Variants in TAF4B observed in about 807,000 individuals in gnomAD.
TAF4B encodes the protein transcription initiation factor TFIID subunit 4B.
A neutral mutation model predicts 86.4 loss-of-function variants in TAF4B; 38 were observed. The observed-to-expected ratio is 0.44, with a 90% confidence interval of 0.34 to 0.58. The LOEUF (loss-of-function observed/expected upper bound fraction) is 0.58, where lower values mean the gene tolerates loss of function less well. Ranked by LOEUF, TAF4B falls within the 20% of genes least tolerant of loss-of-function variation. The pLI, the probability that TAF4B is intolerant of heterozygous loss-of-function variation, is 0.02. For synonymous variants in TAF4B, 388 were observed against 391.2 expected (o/e 0.99, Z 0.10); for missense variants, 988 against 1,027.6 (o/e 0.96, Z 0.53).
At chr18:26,353,139 A>G (rs948490268) in intron 13 of TAF4B, among the ~76,000 whole-genome samples, 4 of 152,192 alleles carry the variant, frequency 2.6e-5, no homozygotes, top group African/African-American at 4.8e-5. Context: ...CTACAGGCTA[A>G]TATCTCTTAT....
At chr18:26,279,672 T>C (rs1193338436) in intron 5 of TAF4B, among the ~76,000 whole-genome samples, 5 of 151,776 alleles carry the variant, frequency 3.3e-5, no homozygotes, top group South Asian at 4.2e-4. Context: ...CATAGACCAA[T>C]TGAACAGAAT....
intron 13 of TAF4B, among the ~76,000 whole-genome samples, chr18:26,338,105 A>G (rs2057107094): frequency 6.6e-6 from 1 of 152,122 alleles, no homozygotes; most frequent in Non-Finnish European, 1.5e-5. Context: ...CACAATCTGA[A>G]TCCCCTTCAT....
chr18:26,309,188 C>T (rs2056827682), intron 9 of TAF4B, among the ~76,000 whole-genome samples: 1 of 142,982 alleles, frequency 7.0e-6, no homozygotes. Context: ...ATTTGACAGA[C>T]ATTTTCATGA....
rs1469877546 is a variant in TAF4B, at chr18:26,346,839, G to A, written c.2317-10851G>A. On this transcript the variant is annotated intron_variant, in intron 13 of 14. Transcript: ENST00000269142. ...TATGTGTGTGTATATATATATATGT[G>A]TGTGTGTATATATATATATGTGTAT... Among the ~76,000 whole-genome samples the A allele has an allele frequency of 9.7e-3, 99 of 10,224 alleles. 3 individuals are homozygous for A. Among genetic ancestry groups the A allele is most frequent in the African/African-American group, 0.013 (56 of 4,226 alleles). 6.7% of individuals were successfully genotyped at this position (10,224 alleles called of 152,430 possible). A position where few individuals can be genotyped will look rare whatever the true frequency, so the allele number is the denominator to read the frequency against.
intron 14 of TAF4B, among the ~76,000 whole-genome samples, chr18:26,359,126 T>G (rs1427526190): frequency 1.3e-5 from 2 of 152,216 alleles, no homozygotes; most frequent in South Asian, 4.1e-4. Flanking sequence ...TTAAATATGA[T>G]CAAACTGTAC....
rs140212380 is a variant in TAF4B at position 26,243,348 on chromosome 18, T to C, written c.343+16072T>C. On this transcript the variant is annotated intron_variant, in intron 1 of 14. Transcript: ENST00000269142. Reference sequence around the variant, plus strand: ...TTTAATTCATTTGATCTTCAATCACTGATACCCTTTCTTCCAGTTGATCGA... The same window carrying C: ...TTTAATTCATTTGATCTTCAATCACCGATACCCTTTCTTCCAGTTGATCGA... 7.9e-3 allele frequency among the ~76,000 whole-genome samples: 1,203 copies of C among 152,338 alleles called. 14 individuals are homozygous for C. Among genetic ancestry groups the C allele is most frequent in the African/African-American group, 0.027 (1,138 of 41,590 alleles).
chr18:26,347,212 G>A (rs150379127), intron 13 of TAF4B, among the ~76,000 whole-genome samples: 15 of 151,790 alleles, frequency 9.9e-5, no homozygotes, highest in East Asian at 9.8e-4. Flanking sequence ...GAGCCACTGC[G>A]CCCGGCCCAG....
intron 14 of TAF4B, among the ~76,000 whole-genome samples, chr18:26,385,682 T>G (rs986157474): frequency 2.1e-5 from 3 of 141,152 alleles, no homozygotes; most frequent in Non-Finnish European, 3.2e-5. Context: ...AAACAGCGTT[T>G]TTTTTTTTTT....
chr18:26,333,399 T>G (rs372489782), intron 12 of TAF4B, among the ~76,000 whole-genome samples: 1 of 151,960 alleles, frequency 6.6e-6, no homozygotes, highest in East Asian at 1.9e-4. Flanking sequence ...ATTTATTTTA[T>G]TTTGAAACAG....
chr18:26,332,127 C>T (rs1372170688), intron 12 of TAF4B, among the ~76,000 whole-genome samples: 1 of 152,162 alleles, frequency 6.6e-6, no homozygotes, highest in East Asian at 1.9e-4. Flanking sequence ...TAGATCTCTA[C>T]TCTCTTAGAA....
At position 26,226,618 on chromosome 18, in the gene TAF4B, C is replaced by G. The variant is rs2055577935; in HGVS notation, c.-316C>G. 1 of 256,118 alleles carries G rather than the reference C, an allele frequency of 3.9e-6. No homozygotes were observed. The allele number at this position is 256,118 out of a possible 1,614,324, so 15.9% of individuals were successfully genotyped here. On this transcript the variant is annotated 5_prime_UTR_variant, in exon 1 of 15. Transcript: ENST00000269142. The stretch of plus-strand genomic sequence containing the variant: ...CCGGGAGCCGCAAGTCCAGGCTCCC[C>G]CGCAGCGGGACCCGAGCCTGAGGCG...
At chr18:26,300,857 A>AT (rs937475143) in intron 9 of TAF4B, among the ~76,000 whole-genome samples, 17 of 138,748 alleles carry the variant, frequency 1.2e-4, no homozygotes, top group South Asian at 5.5e-4. Flanking sequence ...TCCCACTCTG[A>AT]TTTTTTTTTT....
chr18:26,290,222 C>G (rs920566773), intron 7 of TAF4B, among the ~76,000 whole-genome samples: 3 of 152,094 alleles, frequency 2.0e-5, no homozygotes, highest in Non-Finnish European at 2.9e-5. Context: ...TCACTGCAGC[C>G]TCGATCTCCT....
At chr18:26,366,073 A>C (rs964589597) in intron 14 of TAF4B, among the ~76,000 whole-genome samples, 3 of 152,182 alleles carry the variant, frequency 2.0e-5, no homozygotes, top group African/African-American at 7.2e-5. Context: ...TACAGGTGTG[A>C]GCCACTGCGC....
chr18:26,328,416 C>T (rs2057023469), intron 12 of TAF4B, among the ~76,000 whole-genome samples: 1 of 151,882 alleles, frequency 6.6e-6, no homozygotes, highest in African/African-American at 2.4e-5. Context: ...TGCCACTACA[C>T]TACAGCCTGG....
intron 1 of TAF4B, among the ~76,000 whole-genome samples, chr18:26,243,400 G>T (rs1209367748): frequency 1.3e-5 from 2 of 151,864 alleles, no homozygotes; most frequent in African/African-American, 4.8e-5. Context: ...TGTGCATCAC[G>T]TAGTTCTCGT....
chr18:26,291,770 G>T (rs1421931820), intron 7 of TAF4B, among the ~76,000 whole-genome samples: 1 of 150,690 alleles, frequency 6.6e-6, no homozygotes, highest in Non-Finnish European at 1.5e-5. Context: ...ACCTTTTAAA[G>T]ATATATTTTG....
intron 6 of TAF4B, among the ~76,000 whole-genome samples, chr18:26,285,222 G>GTTTTTTTTTGTTTTTTTTTTTTTTTTT (rs2056500985): frequency 2.2e-5 from 1 of 45,660 alleles, no homozygotes; most frequent in Non-Finnish European, 4.5e-5. Context: ...TTTTTTTTTT[G>GTTTTTTTTTGTTTTTTTTTTTTTTTTT]TTTTTTTTTT....
chr18:26,352,165 T>C (rs80340758), intron 13 of TAF4B, among the ~76,000 whole-genome samples: 12,017 of 152,062 alleles, frequency 0.079, 591 homozygotes, highest in Non-Finnish European at 0.11. Context: ...GACCTTAATC[T>C]AATCATAATT....
Sources: allele counts gnomAD v4.1 joint callset (sites outside exome capture counted in the v4.1 genomes callset), GRCh38; gene constraint gnomAD v4.1.1; transcripts MANE v1.5; gene names NCBI Gene and HGNC (gene_info 2026-07-23, HGNC 2026-07-21).